Variants in CNTN5 observed in about 807,000 individuals in gnomAD.
CNTN5 encodes the protein contactin 5, also known as contactin-5.
A neutral mutation model predicts 129.1 loss-of-function variants in CNTN5; 77 were observed. That is an observed-to-expected ratio of 0.60 (90% CI 0.50 to 0.72). The LOEUF (loss-of-function observed/expected upper bound fraction) is 0.72. CNTN5 is among the 30% of genes least tolerant of loss of function. CNTN5 has a pLI of 0.00. For missense variants in CNTN5, 1,478 were observed against 1,328.8 expected, an observed-to-expected ratio of 1.11 and a Z score of -1.75; for synonymous variants, 509 against 465.6, an observed-to-expected ratio of 1.09 and a Z score of -1.20.
At chr11:99,816,652 G>C (rs1292323449) in intron 3 of CNTN5, among the ~76,000 whole-genome samples, 1 of 152,164 alleles carries the variant, frequency 6.6e-6, no homozygotes, top group Non-Finnish European at 1.5e-5. Flanking sequence ...AGACCCTTGA[G>C]TCATCTTTAT....
intron 12 of CNTN5, among the ~76,000 whole-genome samples, chr11:100,073,129 C>T (rs1306678593): frequency 6.6e-6 from 1 of 151,940 alleles, no homozygotes; most frequent in Non-Finnish European, 1.5e-5. Context: ...TCACTGCAAC[C>T]TCCGCCTCCA....
chr11:99,808,945 A>G (rs1946350592), intron 3 of CNTN5, among the ~76,000 whole-genome samples: 1 of 152,154 alleles, frequency 6.6e-6, no homozygotes, highest in Non-Finnish European at 1.5e-5. Context: ...TTATAAGCAT[A>G]GGGTTTTCTT....
rs1950815293 is a variant in CNTN5 at position 99,956,838 on chromosome 11, C to T, written c.706C>T (p.Pro236Ser). ...IIYSWVFNEF[P>S]SFVAEDSRRF... ...CTATAGCTGGGTATTTAATGAGTTCCCTTCCTTTGTGGCGGAAGACAGCCG... is the reference window on the plus strand; with the variant it reads ...CTATAGCTGGGTATTTAATGAGTTCTCTTCCTTTGTGGCGGAAGACAGCCG... Residue 236 changes from proline (P) to serine (S), a missense_variant, in exon 8 of 25, where the codon CCT (proline) becomes TCT (serine). Physicochemically the swap from Pro to Ser is moderately conservative, Grantham distance 74 (BLOSUM62 -1). Transcript: ENST00000524871. 6.2e-7 allele frequency: 1 copy of T among 1,613,832 alleles called. No individual in the cohort carries two copies. The highest frequency in any genetic ancestry group is 1.3e-5 in the African/African-American group (1 of 75,014).
At chr11:99,240,741 T>C (rs559095334) in intron 1 of CNTN5, among the ~76,000 whole-genome samples, 1 of 152,298 alleles carries the variant, frequency 6.6e-6, no homozygotes, top group South Asian at 2.1e-4. Flanking sequence ...GATCCTCAGT[T>C]CTGTCTAAAA....
intron 1 of CNTN5, among the ~76,000 whole-genome samples, chr11:99,185,680 A>G (rs912753225): frequency 2.6e-5 from 4 of 151,834 alleles, no homozygotes; most frequent in Admixed American, 6.6e-5. Flanking sequence ...ATAACTAGAC[A>G]ATGTGAGCTA....
At chr11:99,259,656 G>C (rs1862538344) in intron 1 of CNTN5, among the ~76,000 whole-genome samples, 1 of 151,720 alleles carries the variant, frequency 6.6e-6, no homozygotes, top group Non-Finnish European at 1.5e-5. Flanking sequence ...TGGTTTAAAG[G>C]AATGTGTGTG....
chr11:100,327,273 A>G (rs1046576398), intron 21 of CNTN5, among the ~76,000 whole-genome samples: 1 of 152,204 alleles, frequency 6.6e-6, no homozygotes, highest in African/African-American at 2.4e-5. Context: ...AACATGGCCA[A>G]CTACAAGATC....
intron 2 of CNTN5, among the ~76,000 whole-genome samples, chr11:99,511,315 A>G (rs1253879418): frequency 1.3e-5 from 2 of 152,130 alleles, no homozygotes; most frequent in Non-Finnish European, 2.9e-5. Context: ...GTAGTCATTC[A>G]GGAGCAGGTT....
intron 1 of CNTN5, among the ~76,000 whole-genome samples, chr11:99,110,834 T>G (rs545465641): frequency 6.6e-6 from 1 of 152,284 alleles, no homozygotes; most frequent in Admixed American, 6.5e-5. Context: ...CAGAATGATA[T>G]GATGTGAAAC....
In CNTN5 at chr11:99,045,301, A is replaced by G. The variant is rs182892315; in HGVS notation, c.-210+24031A>G. On this transcript the variant is annotated intron_variant, in intron 1 of 24. Transcript: ENST00000524871. ...TGAAATAATTATACATATATCAAAC[A>G]GCACACAAATAATACTTATTGACTG... Among the ~76,000 whole-genome samples, 516 of 152,360 alleles carry G rather than the reference A, an allele frequency of 3.4e-3. 2 individuals carry two copies. The highest frequency in any genetic ancestry group is 0.012 in the African/African-American group (495 of 41,598).
intron 23 of CNTN5, among the ~76,000 whole-genome samples, chr11:100,345,379 A>T (rs1218616037): frequency 6.6e-6 from 1 of 152,160 alleles, no homozygotes; most frequent in Admixed American, 6.6e-5. Context: ...AGTCCTTGTG[A>T]TACAATCACC....
intron 1 of CNTN5, among the ~76,000 whole-genome samples, chr11:99,060,308 G>T (rs1019568431): frequency 1.3e-5 from 2 of 152,104 alleles, no homozygotes; most frequent in Admixed American, 1.3e-4. Context: ...AAAAAGAATG[G>T]AAATATTCAA....
At chr11:100,017,737 C>T (rs1320633178) in intron 9 of CNTN5, among the ~76,000 whole-genome samples, 8 of 151,950 alleles carry the variant, frequency 5.3e-5, no homozygotes, top group East Asian at 1.9e-4. Flanking sequence ...GTTATTGTAG[C>T]GTCAACAGTG....
chr11:99,303,350 A>G (rs530273429), intron 1 of CNTN5, among the ~76,000 whole-genome samples: 44 of 151,746 alleles, frequency 2.9e-4, no homozygotes, highest in Non-Finnish European at 4.7e-4. Context: ...TTACAATATA[A>G]AATACTAAAC....
Position 99,078,173 on chromosome 11 carries a change from C to G in CNTN5, c.-210+56903C>G, listed in dbSNP as rs189059781. ...CCTTGTTCATATTAGTAATTTGATA[C>G]CTAATTAGTGACTATTTGTATTCAC... is the stretch of plus-strand genomic sequence containing the variant. On this transcript the variant is annotated intron_variant, in intron 1 of 24. Coordinates refer to ENST00000524871, the MANE Select transcript of CNTN5 (RefSeq NM_014361.4). Among the ~76,000 whole-genome samples, 128 of 152,056 alleles carry G rather than the reference C, an allele frequency of 8.4e-4. 2 individuals are homozygous for G. Among genetic ancestry groups the G allele is most frequent in the Admixed American group, 6.8e-3 (104 of 15,278 alleles).
At chr11:99,129,229 A>C (rs1321904902) in intron 1 of CNTN5, among the ~76,000 whole-genome samples, 2 of 152,176 alleles carry the variant, frequency 1.3e-5, no homozygotes, top group Admixed American at 6.5e-5. Flanking sequence ...GAATCTGTTA[A>C]CTAGAATAAC....
intron 1 of CNTN5, among the ~76,000 whole-genome samples, chr11:99,132,438 T>G (rs1224595642): frequency 6.6e-6 from 1 of 152,038 alleles, no homozygotes; most frequent in African/African-American, 2.4e-5. Flanking sequence ...AAAGGATATT[T>G]AAATAGGAAG....
chr11:100,077,581 G>A (rs1019515335), intron 13 of CNTN5, among the ~76,000 whole-genome samples: 3 of 152,034 alleles, frequency 2.0e-5, no homozygotes, highest in African/African-American at 7.2e-5. Flanking sequence ...AGCACTTTGG[G>A]GGGCCAAGAT....
rs749499011 is a variant in CNTN5 at position 100,271,184 on chromosome 11, C to A, written c.2257C>A (p.Pro753Thr). 2 of 1,612,900 alleles carry A rather than the reference C, an allele frequency of 1.2e-6. No homozygotes were observed. Among genetic ancestry groups the A allele is most frequent in the Non-Finnish European group, 8.5e-7 (1 of 1,179,550 alleles). ...EYEFRVVATN[P>T]IGTGDPSTPS... Reference sequence around the variant, plus strand: ...TGAATTTCGAGTGGTAGCCACCAACCCTATTGGGACAGGAGATCCAAGCAC... The same window carrying A: ...TGAATTTCGAGTGGTAGCCACCAACACTATTGGGACAGGAGATCCAAGCAC... Residue 753 changes from proline (P) to threonine (T), a missense_variant, in exon 18 of 25, where the codon CCT becomes ACT. Physicochemically the swap from Pro to Thr is conservative, Grantham distance 38 (BLOSUM62 -1). Coordinates refer to ENST00000524871, the MANE Select transcript of CNTN5 (RefSeq NM_014361.4).
Sources: gnomAD v4.1 joint callset for allele counts (sites outside exome capture counted in the v4.1 genomes callset) on GRCh38, gnomAD v4.1.1 for gene constraint, MANE v1.5 for transcripts, NCBI Gene and HGNC (gene_info 2026-07-23, HGNC 2026-07-21) for gene names.